Variants in CATSPERQ observed in about 807,000 individuals in gnomAD.
The protein encoded by CATSPERQ is catsper channel auxiliary subunit theta.
At chr8:144,354,157 C>T in the CATSPERQ span, 2 of 1,535,214 alleles carry the variant, frequency 1.3e-6, no homozygotes, top group African/African-American at 2.7e-5. This position sits in a 1 kb window ranked among gnomAD's most constrained non-coding sequence, Gnocchi z 4.6. Flanking sequence ...CACCTGCGGG[C>T]GCCACGCGGA....
chr8:144,354,557 C>CGA, the CATSPERQ span: 7 of 751,324 alleles, frequency 9.3e-6, no homozygotes, highest in Non-Finnish European at 1.5e-5. The surrounding 1 kb of genome is among the most constrained non-coding windows in gnomAD (Gnocchi z 4.6). Context: ...CGTCTCCCTC[C>CGA]TCCCCCGCCC....
At chr8:144,354,719 G>A in the CATSPERQ span, 1 of 1,535,658 alleles carries the variant, frequency 6.5e-7, no homozygotes, top group Non-Finnish European at 8.7e-7. This position sits in a 1 kb window ranked among gnomAD's most constrained non-coding sequence, Gnocchi z 4.6. Context: ...AGCTGGAAGC[G>A]CCAGCCGATG....
the CATSPERQ span, chr8:144,354,604 GC>G: frequency 4.7e-6 from 5 of 1,072,940 alleles, no homozygotes; most frequent in Non-Finnish European, 3.5e-6. This position sits in a 1 kb window ranked among gnomAD's most constrained non-coding sequence, Gnocchi z 4.6. Context: ...GCCCCGCCCA[GC>G]CTCGCGCGCA....
the CATSPERQ span, chr8:144,353,617 C>T: frequency 2.7e-6 from 4 of 1,456,616 alleles, no homozygotes; most frequent in Non-Finnish European, 3.7e-6. Context: ...AGGCTGCATC[C>T]CCCGTCCTGC....
chr8:144,353,409 ACAGTGC>A, the CATSPERQ span: 3 of 1,535,822 alleles, frequency 2.0e-6, no homozygotes, highest in Non-Finnish European at 1.7e-6. Context: ...CTTGCCCATC[ACAGTGC>A]CAGCGCCAGG....
chr8:144,353,610 C>A, the CATSPERQ span: 1 of 1,463,556 alleles, frequency 6.8e-7, no homozygotes, highest in South Asian at 1.3e-5. Flanking sequence ...CCCTACCAGG[C>A]TGCATCCCCC....
At chr8:144,354,555 T>TCCAAC in the CATSPERQ span, 2 of 681,608 alleles carry the variant, frequency 2.9e-6, no homozygotes, top group Non-Finnish European at 4.5e-6. This position sits in a 1 kb window ranked among gnomAD's most constrained non-coding sequence, Gnocchi z 4.6. Flanking sequence ...CCCGTCTCCC[T>TCCAAC]CCTCCCCCGC....
the CATSPERQ span, chr8:144,354,262 A>AGGACCAC: frequency 1.3e-6 from 2 of 1,537,020 alleles, no homozygotes; most frequent in East Asian, 4.9e-5. The surrounding 1 kb of genome is among the most constrained non-coding windows in gnomAD (Gnocchi z 4.6). Context: ...GAAGCTGACC[A>AGGACCAC]GGACCACGCT....
At chr8:144,354,461 C>T in the CATSPERQ span, 1 of 1,311,066 alleles carries the variant, frequency 7.6e-7, no homozygotes, top group Non-Finnish European at 1.0e-6. This position sits in a 1 kb window ranked among gnomAD's most constrained non-coding sequence, Gnocchi z 4.6. Context: ...TGCGGCCTCT[C>T]CGTCCCCAGG....
chr8:144,354,003 G>A, the CATSPERQ span: 1 of 1,535,132 alleles, frequency 6.5e-7, no homozygotes, highest in Non-Finnish European at 8.7e-7. This position sits in a 1 kb window ranked among gnomAD's most constrained non-coding sequence, Gnocchi z 4.6. Context: ...AGGGGCCCTG[G>A]CACACGGTGC....
At chr8:144,353,995 G>C in the CATSPERQ span, 1 of 1,534,898 alleles carries the variant, frequency 6.5e-7, no homozygotes, top group Non-Finnish European at 8.7e-7. Context: ...CAGATGCAAG[G>C]GGCCCTGGCA....
At chr8:144,353,924 C>A in the CATSPERQ span, 1 of 1,528,140 alleles carries the variant, frequency 6.5e-7, no homozygotes, top group Middle Eastern at 1.7e-4. Context: ...GCTGCCTCCC[C>A]GTCCCTGGCG....
chr8:144,353,921 C>A, the CATSPERQ span: 5 of 1,528,488 alleles, frequency 3.3e-6, no homozygotes, highest in Non-Finnish European at 4.4e-6. Flanking sequence ...CAAGCTGCCT[C>A]CCCGTCCCTG....
chr8:144,354,805 C>T, the CATSPERQ span: 2 of 1,521,978 alleles, frequency 1.3e-6, no homozygotes, highest in Non-Finnish European at 8.8e-7. This position sits in a 1 kb window ranked among gnomAD's most constrained non-coding sequence, Gnocchi z 4.6. Flanking sequence ...GCCGCTCGTC[C>T]GCTGCCGCCG....
At chr8:144,353,572 CCCGAGT>C in the CATSPERQ span, 160 of 1,498,538 alleles carry the variant, frequency 1.1e-4, 1 homozygote, top group East Asian at 3.8e-3. Flanking sequence ...ACAGGACAGA[CCCGAGT>C]CGCCGTCCAG....
At chr8:144,354,578 A>AAACCCCCCC in the CATSPERQ span, 2 of 221,158 alleles carry the variant, frequency 9.0e-6, no homozygotes, top group Non-Finnish European at 1.4e-5. The surrounding 1 kb of genome is among the most constrained non-coding windows in gnomAD (Gnocchi z 4.6). Context: ...CGCCCTTCCC[A>AAACCCCCCC]GCCCCGCCCC....
At chr8:144,354,545 C>G in the CATSPERQ span, 101 of 1,424,704 alleles carry the variant, frequency 7.1e-5, no homozygotes, top group African/African-American at 1.3e-3. The surrounding 1 kb of genome is among the most constrained non-coding windows in gnomAD (Gnocchi z 4.6). Context: ...AGGCCTCGGG[C>G]CCGTCTCCCT....
chr8:144,353,336 A>G, the CATSPERQ span: 2 of 1,510,952 alleles, frequency 1.3e-6, no homozygotes, highest in East Asian at 2.5e-5. Context: ...GAGGTGGGGG[A>G]GGCCCTCAGA....
chr8:144,353,552 T>C, the CATSPERQ span: 3 of 1,523,878 alleles, frequency 2.0e-6, no homozygotes, highest in Non-Finnish European at 2.6e-6. Context: ...GGCGCTCAAC[T>C]GGGGCCGGGA....
Sources: gnomAD v4.1 joint callset for allele counts on GRCh38, gnomAD v4.1.1 for gene constraint, Gnocchi (gnomAD v3.1) non-coding constraint, MANE v1.5 for transcripts, NCBI Gene and HGNC (gene_info 2026-07-23, HGNC 2026-07-21) for gene names.